SVIL: variants seen among roughly 807,000 people sequenced by gnomAD.
The protein encoded by SVIL is archvillin.
SVIL carries 101 observed loss-of-function variants against 240.4 expected under a neutral mutation model. The ratio of observed to expected loss-of-function variants is 0.42; its 90% CI spans 0.36 to 0.50. The LOEUF (loss-of-function observed/expected upper bound fraction) is 0.50. SVIL is among the 20% of genes least tolerant of loss of function. SVIL has a pLI of 0.01. For missense variants in SVIL, 2,512 were observed against 2,818.7 expected (o/e 0.89, Z 2.46); for synonymous variants, 999 against 1,100.0 (o/e 0.91, Z 1.82).
chr10:29,597,252 G>A (rs914090882), intron 1 of SVIL, among the ~76,000 whole-genome samples: 1 of 152,160 alleles, frequency 6.6e-6, no homozygotes, highest in African/African-American at 2.4e-5. Context: ...ACTTCCAAAG[G>A]GGAAAGAGGG....
At chr10:29,571,103 C>T (rs1955391987) in intron 1 of SVIL, among the ~76,000 whole-genome samples, 1 of 152,228 alleles carries the variant, frequency 6.6e-6, no homozygotes, top group South Asian at 2.1e-4. Context: ...TTCGTCTGGT[C>T]TAAGCAAAAC....
chr10:29,631,037 G>A (rs1027166598), intron 1 of SVIL, among the ~76,000 whole-genome samples: 1 of 152,090 alleles, frequency 6.6e-6, no homozygotes, highest in Non-Finnish European at 1.5e-5. Flanking sequence ...TGGAGTCGAG[G>A]CCCAGGAGGC....
intron 1 of SVIL, among the ~76,000 whole-genome samples, chr10:29,691,879 C>T (rs1961537006): frequency 6.6e-6 from 1 of 152,290 alleles, no homozygotes; most frequent in Admixed American, 6.5e-5. Flanking sequence ...GCTCAAATCA[C>T]CCTTTCAAAT....
chr10:29,492,467 A>G (rs1425386939), intron 21 of SVIL, among the ~76,000 whole-genome samples: 1 of 152,096 alleles, frequency 6.6e-6, no homozygotes, highest in African/African-American at 2.4e-5. Flanking sequence ...CCGAGGCCAC[A>G]TCTGCACTGT....
chr10:29,644,054 T>C, intron 3 of SVIL: 1 of 516,080 alleles, frequency 1.9e-6, no homozygotes, highest in Non-Finnish European at 3.9e-6. Flanking sequence ...ACATGCTCCG[T>C]TTGGGCCACT....
Position 29,683,215 on chromosome 10 carries a change from T to C in SVIL, c.-301+3338A>G, listed in dbSNP as rs534669752. Among the ~76,000 whole-genome samples the C allele has an allele frequency of 5.9e-5, 9 of 152,294 alleles. No individual in the cohort carries two copies. The South Asian group carries it at 6.2e-4, about 11-fold the overall frequency. On this transcript the variant is annotated intron_variant, in intron 2 of 35. Transcript: ENST00000375400. ...ATAGATGGAGTCAAAGATTTTCTTA[T>C]TGGAAATTGGCTGAAAGAGTTAAAT...
rs534442729 is a variant in SVIL at position 29,571,870 on chromosome 10, G to A, written c.-200-2558C>T. Among the ~76,000 whole-genome samples, 17 of 152,264 alleles carry A rather than the reference G, an allele frequency of 1.1e-4. No homozygotes were observed. In the South Asian group the frequency reaches 3.5e-3, roughly 32 times the overall value. On this transcript the variant is annotated intron_variant, in intron 1 of 37. Transcript: ENST00000355867. ...TTGCTCCTGGATAGACAACTGTTTGGTGATGGAGCTATGGGATCTTGGGGA... is the reference window on the plus strand; with the variant it reads ...TTGCTCCTGGATAGACAACTGTTTGATGATGGAGCTATGGGATCTTGGGGA...
intron 6 of SVIL, 45 bp from the exon 7 acceptor site, chr10:29,536,114 T>G: frequency 6.4e-7 from 1 of 1,559,814 alleles, no homozygotes; most frequent in South Asian, 1.1e-5. Context: ...TATTAAAACG[T>G]CAACATATAC....
At chr10:29,594,475 T>C (rs909720358) in intron 1 of SVIL, among the ~76,000 whole-genome samples, 1 of 151,848 alleles carries the variant, frequency 6.6e-6, no homozygotes, top group Non-Finnish European at 1.5e-5. Context: ...ACCACTCTAG[T>C]GGGGGATGTT....
chr10:29,463,744 AG>A, intron 34 of SVIL, 109 bp from the exon 35 acceptor site: 3 of 1,463,098 alleles, frequency 2.1e-6, no homozygotes, highest in Admixed American at 2.2e-5. Flanking sequence ...GCAGTGTCAC[AG>A]GGGGAAACCC....
rs139861438 is a variant in SVIL at position 29,532,653 on chromosome 10, C to A, written c.1714G>T (p.Glu572Ter). Residue 572 changes from glutamate (E) to a stop codon, truncating the protein, a stop_gained, in exon 8 of 38, where the codon GAG becomes TAG. Coordinates refer to ENST00000355867, the MANE Select transcript of SVIL (RefSeq NM_021738.3). LOFTEE classifies it high-confidence loss of function. ...YKDPASRREL[E>*]LPSSKTEGPY... Reference sequence around the variant, plus strand: ...CCTTCGGTCTTGGAGCTGGGCAGCTCCAGCTCTCTCCTGGAAGCTGGGTCC... The same window carrying A: ...CCTTCGGTCTTGGAGCTGGGCAGCTACAGCTCTCTCCTGGAAGCTGGGTCC... 1.9e-6 allele frequency: 3 copies of A among 1,614,066 alleles called. No individual in the cohort carries two copies. The African/African-American group carries it at 4.0e-5, about 22-fold the overall frequency.
chr10:29,551,351 C>G lies in SVIL; in HGVS notation c.161-88G>C, dbSNP rs957341675. The G allele has an allele frequency of 3.9e-6, 5 of 1,276,680 alleles. No homozygotes were observed. In the African/African-American group the frequency reaches 7.5e-5, roughly 19 times the overall value. 79.1% of individuals were successfully genotyped at this position (1,276,680 alleles called of 1,614,324 possible). On this transcript the variant is annotated intron_variant, in intron 5 of 37. Transcript: ENST00000355867. ...GAATGACACTCTACTGCACACAGCA[C>G]ACACCTGGGTGCCCATGCTGTGAAG...
intron 6 of SVIL, among the ~76,000 whole-genome samples, chr10:29,546,760 G>A (rs896166663): frequency 1.3e-5 from 2 of 152,098 alleles, no homozygotes; most frequent in Non-Finnish European, 2.9e-5. Context: ...CATCGTATTC[G>A]TATTTAAATA....
intron 3 of SVIL, among the ~76,000 whole-genome samples, chr10:29,643,544 G>C (rs530418769): frequency 6.6e-6 from 1 of 152,066 alleles, no homozygotes; most frequent in Admixed American, 6.5e-5. Context: ...TCTGTACCAT[G>C]GGCAAGTCAT....
At chr10:29,661,516 C>T (rs955289419) in intron 2 of SVIL, among the ~76,000 whole-genome samples, 11 of 152,108 alleles carry the variant, frequency 7.2e-5, no homozygotes, top group African/African-American at 2.7e-4. Flanking sequence ...TGGAGCCAGA[C>T]CAGGAGGGCT....
intron 3 of SVIL, among the ~76,000 whole-genome samples, chr10:29,649,338 G>A (rs778360358): frequency 6.6e-6 from 1 of 152,120 alleles, no homozygotes; most frequent in Non-Finnish European, 1.5e-5. Flanking sequence ...TTTTATGAAA[G>A]TAATACTGAA....
chr10:29,521,956 C>A (rs1950585331), intron 16 of SVIL, among the ~76,000 whole-genome samples: 1 of 151,996 alleles, frequency 6.6e-6, no homozygotes, highest in Admixed American at 6.6e-5. Flanking sequence ...AAGATATATG[C>A]CCTCTATGTA....
chr10:29,561,942 A>G (rs1954515251), intron 3 of SVIL, among the ~76,000 whole-genome samples: 1 of 152,190 alleles, frequency 6.6e-6, no homozygotes, highest in Non-Finnish European at 1.5e-5. Context: ...TCACCAGGCC[A>G]AATCCCCTGA....
chr10:29,529,853 A>G lies in SVIL; in HGVS notation c.2107-9T>C, dbSNP rs1172118351. On this transcript the variant is annotated splice_polypyrimidine_tract_variant and intron_variant, in intron 11 of 37. Coordinates refer to ENST00000355867, the MANE Select transcript of SVIL (RefSeq NM_021738.3). ...AAAGATTTTTCCATCTCCTAAGATT[A>G]GAAGTATTGTGGAACCCTTATAAAT... 6.2e-7 allele frequency: 1 copy of G among 1,605,150 alleles called. No homozygotes were observed. Among genetic ancestry groups the G allele is most frequent in the African/African-American group, 1.3e-5 (1 of 74,440 alleles).
Sources: allele counts gnomAD v4.1 joint callset (sites outside exome capture counted in the v4.1 genomes callset), GRCh38; gene constraint gnomAD v4.1.1; transcripts MANE v1.5; gene names NCBI Gene and HGNC (gene_info 2026-07-23, HGNC 2026-07-21).